ADNP: variants seen among roughly 807,000 people sequenced by gnomAD.
The protein encoded by ADNP is activity dependent neuroprotector homeobox, also known as activity-dependent neuroprotector homeobox protein.
A neutral mutation model predicts 84.9 loss-of-function variants in ADNP; 4 were observed. That is an observed-to-expected ratio of 0.05 (90% CI 0.02 to 0.11). The LOEUF is 0.11. Among genes scored for constraint, ADNP ranks in the 10% least tolerant of loss-of-function variants. The pLI, the probability that ADNP is intolerant of heterozygous loss-of-function variation, is 1.00. For missense variants in ADNP, 1,132 were observed against 1,326.0 expected, an observed-to-expected ratio of 0.85 and a Z score of 2.27; for synonymous variants, 554 against 468.1, an observed-to-expected ratio of 1.18 and a Z score of -2.37.
At chr20:50,925,260 C>T (rs1445819542) in intron 2 of ADNP, among the ~76,000 whole-genome samples, 1 of 86,158 alleles carries the variant, frequency 1.2e-5, no homozygotes, top group African/African-American at 8.1e-5. Context: ...CTGTGACTTC[C>T]TATACACACA....
At chr20:50,919,285 T>TTACATATATATATATA (rs1983750274) in intron 2 of ADNP, among the ~76,000 whole-genome samples, 2 of 85,532 alleles carry the variant, frequency 2.3e-5, no homozygotes, top group Admixed American at 1.1e-4. Context: ...ATACATATAT[T>TTACATATATATATATA]TAAGTGTATA....
rs1305853189 is a variant in ADNP, at chr20:50,894,180, T to C, written c.534A>G (p.Glu178=). Residue 178 remains glutamate, a synonymous_variant, in exon 6 of 6, where the codon GAA becomes GAG. Transcript: ENST00000621696. The part of the protein sequence containing the change: ...KKCTYRDPLY[E]IVRKHIYREH... ...CCCTGTAAATGTGCTTCCTAACTATTTCATAAAGAGGATCTCGGTAAGTGC... is the reference window on the plus strand; with the variant it reads ...CCCTGTAAATGTGCTTCCTAACTATCTCATAAAGAGGATCTCGGTAAGTGC... 1 of 1,614,046 alleles carries C rather than the reference T, an allele frequency of 6.2e-7. No homozygotes were observed. Among genetic ancestry groups the C allele is most frequent in the Non-Finnish European group, 8.5e-7 (1 of 1,179,988 alleles).
At chr20:50,921,828 C>T (rs1004222226) in intron 2 of ADNP, among the ~76,000 whole-genome samples, 18 of 152,256 alleles carry the variant, frequency 1.2e-4, no homozygotes, top group African/African-American at 4.3e-4. Context: ...GAAGATGCCT[C>T]GGTACTTAAA....
In ADNP at chr20:50,893,005, T is replaced by G; in HGVS notation, c.1709A>C (p.Asn570Thr). ...TNIHLLVTTY[N>T]LRDAPAESVA... ...AGATTCAGCTGGGGCATCCCTCAGATTGTATGTAGTTACCAGGAGATGGAT... is the reference window on the plus strand; with the variant it reads ...AGATTCAGCTGGGGCATCCCTCAGAGTGTATGTAGTTACCAGGAGATGGAT... The change falls in exon 6 of 6, where the codon AAT becomes ACT. Residue 570 changes from asparagine (N) to threonine (T), a missense_variant. Physicochemically the swap from Asn to Thr is moderately conservative, Grantham distance 65. Transcript: ENST00000621696. The surrounding 1 kb of genome is among the most constrained non-coding windows in gnomAD (Gnocchi z 4.4). The G allele has an allele frequency of 1.2e-6, 2 of 1,614,208 alleles. No homozygotes were observed. Among genetic ancestry groups the G allele is most frequent in the South Asian group, 2.2e-5 (2 of 91,084 alleles).
At chr20:50,915,254 T>C (rs1032235173) in intron 2 of ADNP, among the ~76,000 whole-genome samples, 2 of 152,174 alleles carry the variant, frequency 1.3e-5, no homozygotes, top group African/African-American at 2.4e-5. Context: ...AGTCAAAAAC[T>C]GTGGTCACGG....
chr20:50,929,462 G>T (rs972284656), intron 1 of ADNP, among the ~76,000 whole-genome samples: 13 of 152,180 alleles, frequency 8.5e-5, no homozygotes, highest in Non-Finnish European at 1.6e-4. Flanking sequence ...GAGTGCGAGT[G>T]TGTCTTGCTG....
At chr20:50,896,559 CAAAAA>C (rs759232491) in intron 5 of ADNP, among the ~76,000 whole-genome samples, 2 of 149,686 alleles carry the variant, frequency 1.3e-5, no homozygotes, top group Admixed American at 6.7e-5. Context: ...GACCCCGTCT[CAAAAA>C]AAAACCAAAA....
At chr20:50,896,455 G>A (rs1370158532) in intron 5 of ADNP, among the ~76,000 whole-genome samples, 1 of 152,066 alleles carries the variant, frequency 6.6e-6, no homozygotes, top group Non-Finnish European at 1.5e-5. Flanking sequence ...ACCGGACGTG[G>A]TGGCAGGCGC....
At chr20:50,925,263 TACACACACAC>T (rs57985341) in intron 2 of ADNP, among the ~76,000 whole-genome samples, 20 of 149,096 alleles carry the variant, frequency 1.3e-4, no homozygotes, top group Admixed American at 4.7e-4. Context: ...TGACTTCCTA[TACACACACAC>T]ACACACACAC....
At chr20:50,911,075 G>C (rs974361948) in intron 2 of ADNP, among the ~76,000 whole-genome samples, 2 of 152,132 alleles carry the variant, frequency 1.3e-5, no homozygotes, top group Non-Finnish European at 2.9e-5. Flanking sequence ...TACTAATCCA[G>C]GCCCATATCC....
rs78360689 is a variant in ADNP, at chr20:50,898,325, C to A, written c.201+3692G>T. Among the ~76,000 whole-genome samples the A allele has an allele frequency of 7.5e-3, 1,145 of 152,262 alleles. 15 individuals are homozygous for A. The highest frequency in any genetic ancestry group is 0.026 in the African/African-American group (1,094 of 41,548). ...ACTAGCAGTCAATTCAACATCACAG[C>A]CAGGTCCAGCCTTTTCTTTCAACAC... On this transcript the variant is annotated intron_variant, in intron 5 of 5. Coordinates refer to ENST00000621696, the MANE Select transcript of ADNP (RefSeq NM_001282531.3).
intron 2 of ADNP, among the ~76,000 whole-genome samples, chr20:50,927,560 C>CT (rs10716858): frequency 0.027 from 3,884 of 144,408 alleles, 131 homozygotes; most frequent in African/African-American, 0.08. Context: ...AATTGTTTCA[C>CT]TTTTTTTTTT....
At chr20:50,923,730 C>T (rs1984108283) in intron 2 of ADNP, among the ~76,000 whole-genome samples, 2 of 152,148 alleles carry the variant, frequency 1.3e-5, no homozygotes, top group African/African-American at 4.8e-5. Flanking sequence ...GTTGGCCAGG[C>T]TGGTCTTGAA....
Position 50,893,698 on chromosome 20 carries a change from T to C in ADNP, c.1016A>G (p.Gln339Arg), listed in dbSNP as rs1413590014. ...CATTGACTGACCAACACTGTAACCC[T>C]GGCCTACAGATTTGACTCCATAGTT... ...QNNYGVKSVG[Q>R]GYSVGQSMRL... Residue 339 changes from glutamine (Q) to arginine (R), a missense_variant, in exon 6 of 6, where the codon CAG becomes CGG. Coordinates refer to ENST00000621696, the MANE Select transcript of ADNP (RefSeq NM_001282531.3). This position sits in a 1 kb window ranked among gnomAD's most constrained non-coding sequence, Gnocchi z 4.4. The C allele has an allele frequency of 6.2e-7, 1 of 1,614,140 alleles. No individual in the cohort carries two copies. The highest frequency in any genetic ancestry group is 8.5e-7 in the Non-Finnish European group (1 of 1,180,040).
intron 2 of ADNP, among the ~76,000 whole-genome samples, chr20:50,918,051 GGAA>G (rs1470969566): frequency 6.6e-6 from 1 of 152,168 alleles, no homozygotes; most frequent in African/African-American, 2.4e-5. Flanking sequence ...GCTGGGTAAA[GGAA>G]GAAAAGAGGA....
At chr20:50,925,263 T>TACACACACACACAC (rs57985341) in intron 2 of ADNP, among the ~76,000 whole-genome samples, 2,271 of 149,074 alleles carry the variant, frequency 0.015, 53 homozygotes, top group African/African-American at 0.051. Flanking sequence ...TGACTTCCTA[T>TACACACACACACAC]ACACACACAC....
chr20:50,912,108 T>C (rs1239773184), intron 2 of ADNP, among the ~76,000 whole-genome samples: 1 of 152,228 alleles, frequency 6.6e-6, no homozygotes, highest in Non-Finnish European at 1.5e-5. Flanking sequence ...TCCTTACTTC[T>C]TCCTGGTTAA....
At chr20:50,919,571 T>C (rs547727671) in intron 2 of ADNP, among the ~76,000 whole-genome samples, 3 of 152,234 alleles carry the variant, frequency 2.0e-5, no homozygotes, top group Admixed American at 6.5e-5. Flanking sequence ...CTTACAGATA[T>C]GACATCCAAT....
At chr20:50,914,519 A>C in intron 2 of ADNP, 1 of 275,524 alleles carries the variant, frequency 3.6e-6, no homozygotes, top group African/African-American at 2.3e-5. Flanking sequence ...AGTCTTATAA[A>C]CATGTTGACT....
Sources: allele counts gnomAD v4.1 joint callset (sites outside exome capture counted in the v4.1 genomes callset), GRCh38; gene constraint gnomAD v4.1.1; non-coding constraint Gnocchi (gnomAD v3.1); transcripts MANE v1.5; gene names NCBI Gene and HGNC (gene_info 2026-07-23, HGNC 2026-07-21).